Variants in GRM5 observed in about 807,000 individuals in gnomAD.
The protein encoded by GRM5 is glutamate metabotropic receptor 5.
Under a neutral mutation model 83.1 loss-of-function variants are expected in GRM5, and 19 were observed. That is an observed-to-expected ratio of 0.23 (90% CI 0.16 to 0.34). GRM5 has a LOEUF of 0.34. GRM5 is among the 10% of genes least tolerant of loss of function. The pLI is 1.00. For synonymous variants in GRM5, 675 were observed against 633.6 expected (o/e 1.07, Z -0.98); for missense variants, 1,160 against 1,588.3 (o/e 0.73, Z 4.58).
chr11:89,050,798 T>A (rs1301340757), intron 1 of GRM5, among the ~76,000 whole-genome samples: 1 of 152,204 alleles, frequency 6.6e-6, no homozygotes, highest in Non-Finnish European at 1.5e-5. Flanking sequence ...GATCATGTTT[T>A]CTGCATGGAC....
chr11:88,599,161 C>T (rs1937905552), intron 5 of GRM5, among the ~76,000 whole-genome samples: 1 of 152,132 alleles, frequency 6.6e-6, no homozygotes. Flanking sequence ...ATCTCTATAT[C>T]CATGCCTCTT....
At chr11:88,512,798 T>C (rs1198289938) in intron 9 of GRM5, among the ~76,000 whole-genome samples, 1 of 152,272 alleles carries the variant, frequency 6.6e-6, no homozygotes, top group Non-Finnish European at 1.5e-5. Flanking sequence ...TCAGTTTTTA[T>C]ATTTTATGTG....
intron 4 of GRM5, among the ~76,000 whole-genome samples, chr11:88,632,247 C>CTT (rs35797493): frequency 0.16 from 17,925 of 110,862 alleles, 2,565 homozygotes; most frequent in Non-Finnish European, 0.2. Flanking sequence ...ACAGTATGTA[C>CTT]TTTTTTTTTT....
At chr11:88,817,478 T>A (rs1445116288) in intron 3 of GRM5, among the ~76,000 whole-genome samples, 2 of 152,128 alleles carry the variant, frequency 1.3e-5, no homozygotes, top group African/African-American at 4.8e-5. Context: ...TCATGTGATA[T>A]CAACTCAAAA....
intron 2 of GRM5, among the ~76,000 whole-genome samples, chr11:88,949,562 T>G (rs1340669555): frequency 4.6e-5 from 7 of 152,374 alleles, no homozygotes; most frequent in African/African-American, 1.4e-4. Context: ...TGATTGAGAC[T>G]GAGGCAGTGT....
intron 2 of GRM5, among the ~76,000 whole-genome samples, chr11:89,046,949 C>A (rs1194553835): frequency 6.6e-6 from 1 of 152,122 alleles, no homozygotes; most frequent in Non-Finnish European, 1.5e-5. Flanking sequence ...TATAATATAG[C>A]ATCAGTATAG....
chr11:88,759,414 A>C (rs1942464253), intron 3 of GRM5, among the ~76,000 whole-genome samples: 1 of 152,192 alleles, frequency 6.6e-6, no homozygotes, highest in Admixed American at 6.6e-5. Context: ...GAAAAAAAGC[A>C]GGCATTGCAA....
chr11:88,941,591 G>C (rs1389470727), intron 2 of GRM5, among the ~76,000 whole-genome samples: 2 of 123,468 alleles, frequency 1.6e-5, no homozygotes, highest in Non-Finnish European at 3.4e-5. Context: ...GAAGGGGAGG[G>C]GAGGGGAGGG....
At chr11:88,519,998 G>A (rs371527879) in intron 9 of GRM5, among the ~76,000 whole-genome samples, 1 of 152,150 alleles carries the variant, frequency 6.6e-6, no homozygotes, top group Non-Finnish European at 1.5e-5. Context: ...ACACTGGCTA[G>A]TGCCAGAACC....
At position 88,672,938 on chromosome 11, in the gene GRM5, T is replaced by C. The variant is rs972665287; in HGVS notation, c.912-19535A>G. On this transcript the variant is annotated intron_variant, in intron 3 of 9. Coordinates refer to ENST00000305447, the MANE Select transcript of GRM5 (RefSeq NM_001143831.3). Reference sequence around the variant, plus strand: ...GACAGAGAAGTTACTGTATCGAGTCTTGAAGTTTTTGCAAAATTGTCAGAT... The same window carrying C: ...GACAGAGAAGTTACTGTATCGAGTCCTGAAGTTTTTGCAAAATTGTCAGAT... Among the ~76,000 whole-genome samples, 7 of 152,066 alleles carry C rather than the reference T, an allele frequency of 4.6e-5. No individual in the cohort carries two copies. The East Asian group carries it at 7.7e-4, about 17-fold the overall frequency.
intron 3 of GRM5, among the ~76,000 whole-genome samples, chr11:88,726,151 G>C (rs577568809): frequency 6.6e-6 from 1 of 152,110 alleles, no homozygotes; most frequent in African/African-American, 2.4e-5. Context: ...AAAAAGATGA[G>C]AGGAATTGCT....
chr11:88,803,131 A>C (rs1468739852), intron 3 of GRM5, among the ~76,000 whole-genome samples: 2 of 149,372 alleles, frequency 1.3e-5, no homozygotes, highest in East Asian at 2.0e-4. Flanking sequence ...TATAGATTCA[A>C]TGCCATCCCC....
chr11:88,630,904 C>G (rs368642188), intron 4 of GRM5, among the ~76,000 whole-genome samples: 1 of 152,134 alleles, frequency 6.6e-6, no homozygotes. Flanking sequence ...AAGTCAAGAT[C>G]TTTCACATCA....
intron 2 of GRM5, among the ~76,000 whole-genome samples, chr11:88,870,675 A>T (rs1383318203): frequency 6.6e-6 from 1 of 151,568 alleles, no homozygotes; most frequent in African/African-American, 2.4e-5. Context: ...CTTGTGTTCC[A>T]TTGTGGACAC....
chr11:88,737,785 C>T (rs762969717), intron 3 of GRM5, among the ~76,000 whole-genome samples: 1 of 152,020 alleles, frequency 6.6e-6, no homozygotes, highest in Non-Finnish European at 1.5e-5. Flanking sequence ...TCTATCTATA[C>T]TACAATATGC....
rs981744794 is a variant in GRM5 at position 88,508,523 on chromosome 11, C to T, written c.*69G>A. 7.6e-7 allele frequency: 1 copy of T among 1,310,542 alleles called. No homozygotes were observed. The highest frequency in any genetic ancestry group is 1.1e-6 in the Non-Finnish European group (1 of 926,882). 81.2% of individuals were successfully genotyped at this position (1,310,542 alleles called of 1,614,324 possible). A position where few individuals can be genotyped will look rare whatever the true frequency, so the allele number is the denominator to read the frequency against. On this transcript the variant is annotated 3_prime_UTR_variant, in exon 10 of 10. Transcript: ENST00000305447. The surrounding 1 kb of genome is among the most constrained non-coding windows in gnomAD (Gnocchi z 4.2). The stretch of plus-strand genomic sequence containing the variant: ...GGCCGTAACCAGGCGACTATGCTTG[C>T]CATTGTGTGTGTGTGAACACGGGGG...
At chr11:88,683,687 C>T (rs577835834) in intron 3 of GRM5, among the ~76,000 whole-genome samples, 123 of 152,222 alleles carry the variant, frequency 8.1e-4, no homozygotes, top group African/African-American at 2.8e-3. Flanking sequence ...TCAACATCTA[C>T]TTTAGGTAAA....
chr11:88,778,765 C>G (rs10765767), intron 3 of GRM5, among the ~76,000 whole-genome samples: 1 of 152,072 alleles, frequency 6.6e-6, no homozygotes, highest in Non-Finnish European at 1.5e-5. Flanking sequence ...CAGGTCCTGT[C>G]TTTAAGTGAT....
chr11:88,623,556 CTAT>C (rs1938703656), intron 4 of GRM5, among the ~76,000 whole-genome samples: 1 of 152,296 alleles, frequency 6.6e-6, no homozygotes, highest in East Asian at 1.9e-4. Context: ...TTATGGAAAA[CTAT>C]TATTCTTTCA....
Sources: gnomAD v4.1 joint callset for allele counts (sites outside exome capture counted in the v4.1 genomes callset) on GRCh38, gnomAD v4.1.1 for gene constraint, Gnocchi (gnomAD v3.1) non-coding constraint, MANE v1.5 for transcripts, NCBI Gene and HGNC (gene_info 2026-07-23, HGNC 2026-07-21) for gene names.